The following CSMD1 variants were observed in gnomAD, a reference collection of about 807,000 sequenced individuals.
CSMD1 encodes the protein CUB and sushi domain-containing protein 1.
CSMD1 carries 213 observed loss-of-function variants against 417.5 expected under a neutral mutation model. The observed-to-expected ratio is 0.51, with a 90% CI of 0.46 to 0.57. CSMD1 has a LOEUF of 0.57. CSMD1 is among the 20% of genes least tolerant of loss of function. The pLI is 0.00. For missense variants in CSMD1, 6,923 were observed against 4,529.7 expected (o/e 1.53, Z -15.17); for synonymous variants, 2,862 against 1,736.8 (o/e 1.65, Z -16.11).
intron 3 of CSMD1, among the ~76,000 whole-genome samples, chr8:4,161,302 A>G (rs541057944): frequency 1.4e-3 from 219 of 152,342 alleles, no homozygotes; most frequent in African/African-American, 5.0e-3. Flanking sequence ...CACATAATTG[A>G]TAAGAAACAG....
intron 3 of CSMD1, among the ~76,000 whole-genome samples, chr8:4,212,751 C>CTATTTTTTTTTTT (rs1800395918): frequency 1.0e-5 from 1 of 99,268 alleles, no homozygotes; most frequent in African/African-American, 4.3e-5. Flanking sequence ...CGGCCTTATT[C>CTATTTTTTTTTTT]TTTTTTTTTT....
At chr8:3,536,672 G>A (rs149045334) in intron 10 of CSMD1, among the ~76,000 whole-genome samples, 1 of 152,130 alleles carries the variant, frequency 6.6e-6, no homozygotes, top group East Asian at 1.9e-4. Flanking sequence ...CAGAAGTGTA[G>A]GCACAGAGCA....
rs1804717535 is a variant in CSMD1, at chr8:2,974,167, G to A, written c.8740+284C>T. Among the ~76,000 whole-genome samples, 3 of 152,226 alleles carry A rather than the reference G, an allele frequency of 2.0e-5. 1 individual carries two copies. The East Asian group carries it at 5.8e-4, about 29-fold the overall frequency. ...ATAAAAAAGAATAAAGAGCGAACAG[G>A]GACACACGGAGCCATGGCCGGCAAG... is the stretch of plus-strand genomic sequence containing the variant. On this transcript the variant is annotated intron_variant, in intron 56 of 69. Transcript: ENST00000635120.
rs893798444 is a variant in CSMD1 at position 4,830,003 on chromosome 8, C to T, written c.85+164329G>A. ...CGGACAGCTTGTCTTTCCGTGCTCTCGTGATGAACTGCCTGTCCTTCTCTA... is the reference window on the plus strand; with the variant it reads ...CGGACAGCTTGTCTTTCCGTGCTCTTGTGATGAACTGCCTGTCCTTCTCTA... On this transcript the variant is annotated intron_variant, in intron 1 of 69. Transcript: ENST00000635120. 1.6e-4 allele frequency among the ~76,000 whole-genome samples: 24 copies of T among 152,170 alleles called. 1 individual carries two copies. Among genetic ancestry groups the T allele is most frequent in the Admixed American group, 1.4e-3 (21 of 15,284 alleles).
chr8:3,750,783 A>G (rs1241357373), intron 6 of CSMD1, among the ~76,000 whole-genome samples: 2 of 152,158 alleles, frequency 1.3e-5, no homozygotes, highest in Admixed American at 6.5e-5. Flanking sequence ...AGAAGGGCCC[A>G]TCTCATCCTA....
intron 9 of CSMD1, among the ~76,000 whole-genome samples, chr8:3,577,180 C>T (rs1800185960): frequency 6.6e-6 from 1 of 152,192 alleles, no homozygotes; most frequent in South Asian, 2.1e-4. Flanking sequence ...TGCTGTGAAG[C>T]TGGCCCCTCA....
intron 1 of CSMD1, among the ~76,000 whole-genome samples, chr8:4,664,041 C>T (rs1804768754): frequency 6.6e-6 from 1 of 152,182 alleles, no homozygotes; most frequent in Non-Finnish European, 1.5e-5. Context: ...GAAGCTACCT[C>T]ATGAAATCGC....
intron 3 of CSMD1, among the ~76,000 whole-genome samples, chr8:4,168,789 C>A (rs1395238470): frequency 6.6e-6 from 1 of 152,064 alleles, no homozygotes; most frequent in Non-Finnish European, 1.5e-5. Context: ...AAACTCTCCT[C>A]TTCCCTTTCA....
chr8:3,617,655 T>A (rs1183458018), intron 7 of CSMD1, among the ~76,000 whole-genome samples: 2 of 152,178 alleles, frequency 1.3e-5, no homozygotes, highest in Admixed American at 6.6e-5. Context: ...GCTGCCATTT[T>A]CCTATAATCC....
At chr8:3,542,277 A>T (rs1473580149) in intron 10 of CSMD1, among the ~76,000 whole-genome samples, 1 of 152,176 alleles carries the variant, frequency 6.6e-6, no homozygotes, top group African/African-American at 2.4e-5. Context: ...TGTCATCTGA[A>T]GATGGTTCAT....
At chr8:4,409,241 C>G (rs1234360386) in intron 3 of CSMD1, among the ~76,000 whole-genome samples, 1 of 152,106 alleles carries the variant, frequency 6.6e-6, no homozygotes, top group Non-Finnish European at 1.5e-5. Flanking sequence ...TGCATTTTTA[C>G]CTTAACTTAC....
At chr8:4,071,350 A>C (rs554591686) in intron 3 of CSMD1, among the ~76,000 whole-genome samples, 1 of 152,002 alleles carries the variant, frequency 6.6e-6, no homozygotes, top group Non-Finnish European at 1.5e-5. Context: ...AAGCTCCCTA[A>C]CTCTTATGTC....
intron 10 of CSMD1, among the ~76,000 whole-genome samples, chr8:3,507,575 G>A (rs950487540): frequency 2.0e-5 from 3 of 152,092 alleles, no homozygotes; most frequent in Non-Finnish European, 4.4e-5. Flanking sequence ...CTGAGGAATC[G>A]CCACACTGAC....
At chr8:2,982,635 A>G (rs1365564656) in intron 54 of CSMD1, among the ~76,000 whole-genome samples, 2 of 152,212 alleles carry the variant, frequency 1.3e-5, no homozygotes, top group Non-Finnish European at 2.9e-5. Context: ...AAGCACCCGC[A>G]CTATGACCGC....
At chr8:3,269,130 C>T (rs1369890937) in intron 26 of CSMD1, among the ~76,000 whole-genome samples, 1 of 152,222 alleles carries the variant, frequency 6.6e-6, no homozygotes, top group East Asian at 1.9e-4. Context: ...AAACCAGCAT[C>T]TTACTTTCAA....
chr8:4,985,442 G>A (rs113648245), intron 1 of CSMD1, among the ~76,000 whole-genome samples: 351 of 152,330 alleles, frequency 2.3e-3, no homozygotes, highest in African/African-American at 7.7e-3. Flanking sequence ...ACTGAACTGA[G>A]TGATTCTGTT....
intron 5 of CSMD1, among the ~76,000 whole-genome samples, chr8:3,988,955 T>A (rs144285505): frequency 6.6e-6 from 1 of 152,324 alleles, no homozygotes; most frequent in African/African-American, 2.4e-5. Flanking sequence ...TCAAAAAATT[T>A]GAAGGTTATT....
chr8:4,692,110 C>A (rs1349446334), intron 1 of CSMD1, among the ~76,000 whole-genome samples: 2 of 152,102 alleles, frequency 1.3e-5, no homozygotes, highest in South Asian at 2.1e-4. Flanking sequence ...CCCTGGCACC[C>A]TGGTACTCAG....
intron 50 of CSMD1, among the ~76,000 whole-genome samples, chr8:3,030,911 TC>T (rs879789092): frequency 7.2e-5 from 11 of 152,072 alleles, no homozygotes; most frequent in Non-Finnish European, 1.6e-4. Flanking sequence ...AAAATGTGGC[TC>T]TTTTTGATAT....
Sources: allele counts gnomAD v4.1 joint callset (sites outside exome capture counted in the v4.1 genomes callset), GRCh38; gene constraint gnomAD v4.1.1; transcripts MANE v1.5; gene names NCBI Gene and HGNC (gene_info 2026-07-23, HGNC 2026-07-21).